The following GAK variants were observed in gnomAD, a reference collection of about 807,000 sequenced individuals.
The protein encoded by GAK is cyclin G associated kinase, also known as cyclin-G-associated kinase.
Under a neutral mutation model 143.9 loss-of-function variants are expected in GAK, and 79 were observed. That is an observed-to-expected ratio of 0.55 (90% confidence interval 0.46 to 0.66). GAK has a LOEUF of 0.66. Among genes scored for constraint, GAK ranks in the 30% least tolerant of loss-of-function variants. The probability of loss-of-function intolerance (pLI) is 0.00; values close to 1 mark genes in which losing one functional copy is unlikely to be tolerated. For missense variants in GAK, 1,693 were observed against 1,779.7 expected, an observed-to-expected ratio of 0.95 and a Z score of 0.88; for synonymous variants, 881 against 765.5, an observed-to-expected ratio of 1.15 and a Z score of -2.49.
At chr4:895,213 G>C (rs991911829) in intron 7 of GAK, among the ~76,000 whole-genome samples, 1 of 152,178 alleles carries the variant, frequency 6.6e-6, no homozygotes, top group Non-Finnish European at 1.5e-5. Flanking sequence ...GCAGGAAGCA[G>C]CCTCCTCAGT....
chr4:924,502 A>C (rs1724374211), intron 1 of GAK, among the ~76,000 whole-genome samples: 1 of 144,360 alleles, frequency 6.9e-6, no homozygotes, highest in East Asian at 2.0e-4. Flanking sequence ...ACTTGAAAAA[A>C]AATGTTCTCG....
At chr4:849,825 C>CGGGGCCGGGGGGG in intron 27 of GAK, 51 bp from the exon 28 acceptor site, 1 of 1,229,764 alleles carries the variant, frequency 8.1e-7, no homozygotes, top group Non-Finnish European at 1.1e-6. Context: ...CGGGGGCGGG[C>CGGGGCCGGGGGGG]GGGGCAGGAC....
intron 23 of GAK, among the ~76,000 whole-genome samples, chr4:862,287 A>G (rs1750429389): frequency 6.6e-6 from 1 of 152,118 alleles, no homozygotes; most frequent in African/African-American, 2.4e-5. Context: ...TCATCCGCTA[A>G]GATCCGGCTG....
rs747014895 is a variant in GAK at position 882,682 on chromosome 4, G to A, written c.1527+15C>T. 5.5e-5 allele frequency: 89 copies of A among 1,609,586 alleles called. No homozygotes were observed. In the South Asian group the frequency reaches 8.0e-4, roughly 15 times the overall value. On this transcript the variant is annotated intron_variant, in intron 14 of 27. Coordinates refer to ENST00000314167, the MANE Select transcript of GAK (RefSeq NM_005255.4). ...TTGACAGAAGACGGCGCCAGCCCAC[G>A]GCCCTCGAGCTCACCATGCAGTGCA...
intron 1 of GAK, among the ~76,000 whole-genome samples, chr4:922,935 G>A (rs1344768529): frequency 1.3e-5 from 2 of 152,204 alleles, no homozygotes; most frequent in African/African-American, 2.4e-5. Context: ...TGGGCAAGCC[G>A]TGCACACTCA....
intron 6 of GAK, 58 bp from the exon 7 acceptor site, chr4:896,607 T>C (rs1718820549): frequency 7.6e-7 from 1 of 1,309,398 alleles, no homozygotes; most frequent in Non-Finnish European, 1.1e-6. Flanking sequence ...GTATTTTTTA[T>C]GTTGCACCAC....
chr4:920,542 T>A (rs549636466), intron 1 of GAK, among the ~76,000 whole-genome samples: 55,214 of 115,916 alleles, frequency 0.48, 11,123 homozygotes, highest in South Asian at 0.6. Flanking sequence ...TAGAGCCATT[T>A]TTTTTTTTTT....
chr4:899,600 GAA>G (rs3836586), intron 5 of GAK, among the ~76,000 whole-genome samples: 11 of 152,104 alleles, frequency 7.2e-5, no homozygotes, highest in African/African-American at 2.7e-4. Flanking sequence ...ATCGACAGGA[GAA>G]AAAATGCAAA....
intron 8 of GAK, 109 bp downstream of exon 8, chr4:893,765 C>A (rs950730823): frequency 3.1e-6 from 4 of 1,295,550 alleles, no homozygotes; most frequent in Non-Finnish European, 4.2e-6. Flanking sequence ...TGGTGACGGG[C>A]GGGAGTGGGG....
At chr4:930,648 G>A (rs908682672) in intron 1 of GAK, among the ~76,000 whole-genome samples, 14 of 151,842 alleles carry the variant, frequency 9.2e-5, no homozygotes, top group African/African-American at 3.4e-4. Flanking sequence ...ACTTCTTAAA[G>A]AATGAAGATA....
At chr4:889,999 C>T (rs1233097353) in intron 10 of GAK, among the ~76,000 whole-genome samples, 2 of 152,154 alleles carry the variant, frequency 1.3e-5, no homozygotes, top group Non-Finnish European at 2.9e-5. Context: ...CCAATGCCTG[C>T]TCCTGCCCCC....
At position 902,908 on chromosome 4, in the gene GAK, G is replaced by A. The variant is rs113724952; in HGVS notation, c.525+1729C>T. On this transcript the variant is annotated intron_variant, in intron 5 of 27. Coordinates refer to ENST00000314167, the MANE Select transcript of GAK (RefSeq NM_005255.4). ...GGAAGTTTACTGAAGAGCAAGACCCGAATGACTATAACAAACATTCAACTT... is the reference window on the plus strand; with the variant it reads ...GGAAGTTTACTGAAGAGCAAGACCCAAATGACTATAACAAACATTCAACTT... 4.0e-4 allele frequency among the ~76,000 whole-genome samples: 61 copies of A among 152,020 alleles called. 1 individual carries two copies. The highest frequency in any genetic ancestry group is 9.9e-4 in the African/African-American group (41 of 41,536).
intron 1 of GAK, among the ~76,000 whole-genome samples, chr4:920,701 G>A (rs534169881): frequency 4.0e-5 from 6 of 151,754 alleles, no homozygotes; most frequent in East Asian, 2.0e-4. Flanking sequence ...CCACCACCAC[G>A]CCTGGCTAAT....
Position 861,972 on chromosome 4 carries a change from G to A in GAK, c.3167-2250C>T, listed in dbSNP as rs1023570229. ...GGGCTGAGGCTGAAGGAAAGATGCC[G>A]TCTCTGCAACGTACAAGTGCAAGGT... On this transcript the variant is annotated intron_variant, in intron 23 of 27. Transcript: ENST00000314167. Among the ~76,000 whole-genome samples, 19 of 152,372 alleles carry A rather than the reference G, an allele frequency of 1.2e-4. No homozygotes were observed. In the East Asian group the frequency reaches 2.7e-3, roughly 22 times the overall value.
chr4:898,898 G>T (rs1719328278), intron 5 of GAK, among the ~76,000 whole-genome samples: 2 of 152,072 alleles, frequency 1.3e-5, no homozygotes, highest in Admixed American at 1.3e-4. Context: ...CAAAGAACTA[G>T]AAAGGGCCAC....
intron 8 of GAK, 130 bp from the exon 9 acceptor site, chr4:893,619 G>C: frequency 1.4e-6 from 1 of 731,992 alleles, no homozygotes; most frequent in Non-Finnish European, 2.1e-6. Flanking sequence ...GAAGCAAGAA[G>C]GGAGCGGCAA....
At chr4:877,062 G>T in intron 17 of GAK, 28 bp downstream of exon 17, 1 of 1,489,644 alleles carries the variant, frequency 6.7e-7, no homozygotes, top group Non-Finnish European at 9.4e-7. Flanking sequence ...TGAGTGGGGA[G>T]CACCGGGCAA....
At chr4:879,908 C>A (rs1714747816) in intron 15 of GAK, among the ~76,000 whole-genome samples, 1 of 152,222 alleles carries the variant, frequency 6.6e-6, no homozygotes. Context: ...ACTGACTCAG[C>A]CTCAGCGATG....
chr4:884,212 G>A, intron 11 of GAK, 126 bp from the exon 12 acceptor site: 2 of 758,252 alleles, frequency 2.6e-6, no homozygotes, highest in Non-Finnish European at 2.2e-6. Context: ...CGCATCCCAG[G>A]AGGAACGTGT....
Sources: allele counts gnomAD v4.1 joint callset (sites outside exome capture counted in the v4.1 genomes callset), GRCh38; gene constraint gnomAD v4.1.1; transcripts MANE v1.5; gene names NCBI Gene and HGNC (gene_info 2026-07-23, HGNC 2026-07-21).